MELK: variants seen among roughly 807,000 people sequenced by gnomAD.
MELK encodes the protein pEg3 kinase.
A neutral mutation model predicts 85.0 loss-of-function variants in MELK; 81 were observed. The ratio of observed to expected loss-of-function variants is 0.95; its 90% CI spans 0.80 to 1.15. The LOEUF is 1.15. Ranked by LOEUF, MELK falls within the 50% of genes most tolerant of loss-of-function variation. The pLI, the probability that MELK is intolerant of heterozygous loss-of-function variation, is 0.00. For synonymous variants in MELK, 252 were observed against 265.0 expected (o/e 0.95, Z 0.48); for missense variants, 754 against 777.5 (o/e 0.97, Z 0.36).
At chr9:36,671,251 A>G in intron 16 of MELK, 85 bp downstream of exon 16, 2 of 1,324,860 alleles carry the variant, frequency 1.5e-6, no homozygotes, top group South Asian at 2.1e-5. Context: ...GAATGAATTG[A>G]TTAGTGTTTT....
intron 8 of MELK, among the ~76,000 whole-genome samples, chr9:36,620,472 C>A (rs1270763520): frequency 5.9e-5 from 9 of 151,978 alleles, no homozygotes; most frequent in African/African-American, 2.2e-4. Flanking sequence ...TCCATTCCAG[C>A]TCTGAGTAGC....
intron 7 of MELK, among the ~76,000 whole-genome samples, chr9:36,601,662 C>T (rs760695351): frequency 9.9e-5 from 15 of 152,204 alleles, no homozygotes; most frequent in Non-Finnish European, 2.9e-5. Flanking sequence ...GTTGTGCAAC[C>T]GACCTCCAGG....
At chr9:36,628,600 A>G (rs1010645703) in intron 8 of MELK, among the ~76,000 whole-genome samples, 2 of 151,272 alleles carry the variant, frequency 1.3e-5, no homozygotes, top group African/African-American at 4.9e-5. Context: ...TTGTATTTTT[A>G]GTAGAGACGG....
intron 8 of MELK, among the ~76,000 whole-genome samples, chr9:36,617,961 A>G (rs566344755): frequency 6.6e-6 from 1 of 152,136 alleles, no homozygotes; most frequent in East Asian, 1.9e-4. Flanking sequence ...CTCCGTCTCT[A>G]CAAAAAATAA....
intron 6 of MELK, 141 bp downstream of exon 6, chr9:36,597,431 T>C (rs1040677807): frequency 2.7e-6 from 2 of 748,358 alleles, no homozygotes; most frequent in African/African-American, 1.8e-5. Context: ...ATCCCAGGTA[T>C]GGGTAGTTTT....
intron 10 of MELK, among the ~76,000 whole-genome samples, chr9:36,636,398 A>G (rs1829143386): frequency 6.6e-6 from 1 of 152,076 alleles, no homozygotes; most frequent in Non-Finnish European, 1.5e-5. Flanking sequence ...ACTACTCGGG[A>G]GGCTGAGGCA....
At chr9:36,580,319 C>T (rs1164215443) in intron 1 of MELK, among the ~76,000 whole-genome samples, 1 of 150,744 alleles carries the variant, frequency 6.6e-6, no homozygotes, top group Non-Finnish European at 1.5e-5. Context: ...TGAGCCACCG[C>T]ACCCGGCCTT....
chr9:36,643,323 C>T (rs1347910027), intron 11 of MELK, among the ~76,000 whole-genome samples: 3 of 152,030 alleles, frequency 2.0e-5, no homozygotes, highest in South Asian at 2.1e-4. Context: ...GCAGAGGTTG[C>T]AGTGAGCTGA....
Position 36,660,892 on chromosome 9 carries a change from G to A in MELK, c.1176+3529G>A, listed in dbSNP as rs181231603. On this transcript the variant is annotated intron_variant, in intron 13 of 17. Transcript: ENST00000298048. ...TGTAATCCCAGCTACTCGGAAGGCT[G>A]AGGCAGGAGAATTGCTTGAACCCGG... 2.7e-3 allele frequency among the ~76,000 whole-genome samples: 417 copies of A among 152,262 alleles called. 3 individuals carry two copies. Among genetic ancestry groups the A allele is most frequent in the Middle Eastern group, 0.017 (5 of 294 alleles).
At chr9:36,675,184 G>A (rs1429585410) in intron 17 of MELK, among the ~76,000 whole-genome samples, 1 of 152,178 alleles carries the variant, frequency 6.6e-6, no homozygotes, top group Non-Finnish European at 1.5e-5. Context: ...CTACGTGGGA[G>A]GCTGAGGCAT....
At chr9:36,657,648 T>C (rs1831384174) in intron 13 of MELK, among the ~76,000 whole-genome samples, 1 of 152,216 alleles carries the variant, frequency 6.6e-6, no homozygotes, top group Admixed American at 6.5e-5. Flanking sequence ...TGGAGTGCAG[T>C]GGCACGATCT....
At chr9:36,623,676 A>G (rs1226237282) in intron 8 of MELK, among the ~76,000 whole-genome samples, 1 of 152,246 alleles carries the variant, frequency 6.6e-6, no homozygotes, top group Non-Finnish European at 1.5e-5. Flanking sequence ...AAGGCCTATG[A>G]CATTCCTCAG....
intron 7 of MELK, among the ~76,000 whole-genome samples, chr9:36,604,700 A>G (rs988861519): frequency 1.3e-5 from 2 of 151,808 alleles, no homozygotes; most frequent in African/African-American, 4.8e-5. Context: ...CTGGAGTGCA[A>G]TGGCGTGATC....
intron 7 of MELK, among the ~76,000 whole-genome samples, chr9:36,602,487 C>CAAAAAA (rs765623860): frequency 3.4e-4 from 14 of 41,334 alleles, no homozygotes; most frequent in African/African-American, 1.2e-3. Flanking sequence ...AAGACTGTCT[C>CAAAAAA]AAAAAAAAAA....
intron 13 of MELK, among the ~76,000 whole-genome samples, chr9:36,661,949 A>C (rs1433671352): frequency 6.6e-6 from 1 of 151,320 alleles, no homozygotes; most frequent in Non-Finnish European, 1.5e-5. Context: ...AAAAAAAAAA[A>C]AAAAAAACAA....
At chr9:36,643,933 C>CAAA (rs796275817) in intron 11 of MELK, among the ~76,000 whole-genome samples, 1 of 92,322 alleles carries the variant, frequency 1.1e-5, no homozygotes, top group Non-Finnish European at 2.2e-5. Context: ...GACTCCATCT[C>CAAA]AAAAAAAAAA....
intron 14 of MELK, among the ~76,000 whole-genome samples, chr9:36,668,571 G>A (rs772518699): frequency 2.0e-5 from 3 of 150,180 alleles, no homozygotes; most frequent in Non-Finnish European, 4.4e-5. Context: ...GGAGTGCAAT[G>A]GCGCGATCTC....
intron 8 of MELK, among the ~76,000 whole-genome samples, chr9:36,611,851 C>T (rs1186061820): frequency 6.6e-6 from 1 of 151,610 alleles, no homozygotes; most frequent in Non-Finnish European, 1.5e-5. Context: ...CGGCTCACTG[C>T]ACCCTCCACC....
At chr9:36,602,814 C>T (rs999674859) in intron 7 of MELK, among the ~76,000 whole-genome samples, 2 of 152,156 alleles carry the variant, frequency 1.3e-5, no homozygotes, top group Non-Finnish European at 2.9e-5. Context: ...CTGCCTTGGC[C>T]TACCAAAGTG....
Sources: allele counts gnomAD v4.1 joint callset (sites outside exome capture counted in the v4.1 genomes callset), GRCh38; gene constraint gnomAD v4.1.1; transcripts MANE v1.5; gene names NCBI Gene and HGNC (gene_info 2026-07-23, HGNC 2026-07-21).